Variants in TSPAN9 observed in about 807,000 individuals in gnomAD.
TSPAN9 encodes tetraspanin-9.
Under a neutral mutation model 31.0 loss-of-function variants are expected in TSPAN9, and 16 were observed. The observed-to-expected ratio is 0.52, with a 90% CI of 0.35 to 0.78. The LOEUF (loss-of-function observed/expected upper bound fraction) is 0.78. Among genes scored for constraint, TSPAN9 ranks in the 30% least tolerant of loss-of-function variants. The pLI, the probability that TSPAN9 is intolerant of heterozygous loss-of-function variation, is 0.01. For missense variants in TSPAN9, 272 were observed against 312.5 expected (o/e 0.87, Z 0.98); for synonymous variants, 145 against 121.6 (o/e 1.19, Z -1.27).
chr12:3,099,934 C>T (rs1420733366), intron 2 of TSPAN9, among the ~76,000 whole-genome samples: 1 of 151,728 alleles, frequency 6.6e-6, no homozygotes, highest in African/African-American at 2.4e-5. Context: ...CTCTGCCTCC[C>T]GGGTTCATGC....
intron 3 of TSPAN9, among the ~76,000 whole-genome samples, chr12:3,262,579 G>A (rs1382017119): frequency 6.6e-6 from 1 of 151,596 alleles, no homozygotes; most frequent in African/African-American, 2.4e-5. Context: ...TTATGAAATG[G>A]CATCTTTCCC....
intron 2 of TSPAN9, among the ~76,000 whole-genome samples, chr12:3,099,210 A>AT (rs1398705009): frequency 8.0e-6 from 1 of 124,648 alleles, no homozygotes; most frequent in Non-Finnish European, 1.7e-5. Flanking sequence ...TGCTGATGTT[A>AT]TTTTTTCAGT....
In TSPAN9 at chr12:3,109,233, G is replaced by A. The variant is rs369582054; in HGVS notation, c.-18+25514G>A. 5.3e-5 allele frequency among the ~76,000 whole-genome samples: 8 copies of A among 149,926 alleles called. No individual in the cohort carries two copies. In the East Asian group the frequency reaches 8.0e-4, roughly 15 times the overall value. ...TTACAGGTGTGAGCCACCGCTCCTGGCCAGGAGGAAGGATTCTTTACTGTT... is the reference window on the plus strand; with the variant it reads ...TTACAGGTGTGAGCCACCGCTCCTGACCAGGAGGAAGGATTCTTTACTGTT... On this transcript the variant is annotated intron_variant, in intron 2 of 8. Coordinates refer to ENST00000011898, the MANE Select transcript of TSPAN9 (RefSeq NM_006675.5).
intron 2 of TSPAN9, among the ~76,000 whole-genome samples, chr12:3,123,156 C>T (rs1181094384): frequency 1.3e-5 from 2 of 152,232 alleles, no homozygotes; most frequent in East Asian, 3.9e-4. Context: ...CAACTCCAGC[C>T]CCGTCGACGA....
chr12:3,237,181 C>T (rs773830825), intron 3 of TSPAN9, among the ~76,000 whole-genome samples: 5 of 152,112 alleles, frequency 3.3e-5, no homozygotes, highest in South Asian at 4.1e-4. Context: ...ATTTGGGCCA[C>T]GGGGTCATTG....
chr12:3,167,467 G>A (rs2098349128), intron 2 of TSPAN9, among the ~76,000 whole-genome samples: 1 of 152,166 alleles, frequency 6.6e-6, no homozygotes, highest in South Asian at 2.1e-4. Flanking sequence ...CTGGAGATTG[G>A]GCTTATCTCT....
intron 2 of TSPAN9, among the ~76,000 whole-genome samples, chr12:3,137,536 GC>G (rs1180471172): frequency 7.9e-5 from 12 of 152,166 alleles, no homozygotes; most frequent in Non-Finnish European, 1.6e-4. Flanking sequence ...CCAGATTTGG[GC>G]CCCAAGGGAG....
chr12:3,256,677 A>G (rs1374267340), intron 3 of TSPAN9, among the ~76,000 whole-genome samples: 4 of 152,114 alleles, frequency 2.6e-5, no homozygotes, highest in African/African-American at 7.2e-5. Context: ...GGCGCCCCTG[A>G]TCTTGACTTT....
chr12:3,265,200 C>G (rs776607351), intron 3 of TSPAN9, among the ~76,000 whole-genome samples: 10 of 152,230 alleles, frequency 6.6e-5, no homozygotes, highest in Non-Finnish European at 1.3e-4. Context: ...GAAATCCTTT[C>G]AGTGGCTTCT....
At chr12:3,254,174 C>CCT in intron 3 of TSPAN9, among the ~76,000 whole-genome samples, 1 of 152,258 alleles carries the variant, frequency 6.6e-6, no homozygotes, top group East Asian at 1.9e-4. Context: ...AGTAGTCACT[C>CCT]CTGCAGCACA....
chr12:3,219,430 G>A (rs528348340), intron 3 of TSPAN9, among the ~76,000 whole-genome samples: 12 of 152,212 alleles, frequency 7.9e-5, no homozygotes, highest in African/African-American at 1.9e-4. Flanking sequence ...CCGCAGTACC[G>A]ACCCCCATCT....
At chr12:3,247,966 C>A (rs114881966) in intron 3 of TSPAN9, among the ~76,000 whole-genome samples, 146 of 152,298 alleles carry the variant, frequency 9.6e-4, no homozygotes, top group African/African-American at 3.5e-3. Flanking sequence ...GGAAGCGCAG[C>A]GGGGCATGGA....
chr12:3,164,195 G>T (rs560415140), intron 2 of TSPAN9, among the ~76,000 whole-genome samples: 3 of 152,196 alleles, frequency 2.0e-5, no homozygotes, highest in Non-Finnish European at 4.4e-5. Flanking sequence ...AGGTGCTTTC[G>T]TATGAGTTTT....
At chr12:3,216,380 C>G (rs760648152) in intron 3 of TSPAN9, among the ~76,000 whole-genome samples, 1 of 152,174 alleles carries the variant, frequency 6.6e-6, no homozygotes, top group Non-Finnish European at 1.5e-5. Context: ...TTTGCTCCCC[C>G]GAGATGTCCA....
intron 3 of TSPAN9, among the ~76,000 whole-genome samples, chr12:3,214,290 C>CG (rs1404309930): frequency 6.6e-6 from 1 of 152,096 alleles, no homozygotes; most frequent in African/African-American, 2.4e-5. Flanking sequence ...AGTGATGGAC[C>CG]ACGGATGAGT....
At chr12:3,204,021 C>G (rs1486450733) in intron 3 of TSPAN9, among the ~76,000 whole-genome samples, 7 of 152,158 alleles carry the variant, frequency 4.6e-5, no homozygotes, top group Non-Finnish European at 8.8e-5. Flanking sequence ...GCCTCTGTTG[C>G]TGTCTTGTGC....
At chr12:3,255,781 A>C (rs956132891) in intron 3 of TSPAN9, among the ~76,000 whole-genome samples, 1 of 152,214 alleles carries the variant, frequency 6.6e-6, no homozygotes, top group Non-Finnish European at 1.5e-5. Context: ...TAGACAAATA[A>C]ATGAACCCAT....
chr12:3,187,919 C>A lies in TSPAN9; in HGVS notation c.-17-13258C>A, dbSNP rs1202142843. On this transcript the variant is annotated intron_variant, in intron 2 of 8. Transcript: ENST00000011898. The surrounding 1 kb of genome is among the most constrained non-coding windows in gnomAD (Gnocchi z 5.2). ...TCTGTCCCACCCTTTCATTTGATTG[C>A]TCTTTGCCCAGATGCAGATGGAGCG... Among the ~76,000 whole-genome samples, 1 of 152,204 alleles carries A rather than the reference C, an allele frequency of 6.6e-6. No homozygotes were observed. Among genetic ancestry groups the A allele is most frequent in the Non-Finnish European group, 1.5e-5 (1 of 68,034 alleles).
At chr12:3,237,754 G>T (rs1048360411) in intron 3 of TSPAN9, among the ~76,000 whole-genome samples, 2 of 152,102 alleles carry the variant, frequency 1.3e-5, no homozygotes, top group African/African-American at 4.8e-5. Flanking sequence ...GGGTCAGCTT[G>T]CCCCCTTCCC....
Sources: allele counts gnomAD v4.1 joint callset (sites outside exome capture counted in the v4.1 genomes callset), GRCh38; gene constraint gnomAD v4.1.1; non-coding constraint Gnocchi (gnomAD v3.1); transcripts MANE v1.5; gene names NCBI Gene and HGNC (gene_info 2026-07-23, HGNC 2026-07-21).